The following TBC1D5 variants were observed in gnomAD, a reference collection of about 807,000 sequenced individuals.
The protein encoded by TBC1D5 is TBC1 domain family member 5, also known as TBC1 domain family, member 5.
A neutral mutation model predicts 100.3 loss-of-function variants in TBC1D5; 75 were observed. The ratio of observed to expected loss-of-function variants is 0.75; its 90% CI spans 0.62 to 0.91. The LOEUF (loss-of-function observed/expected upper bound fraction) is 0.91. Ranked by LOEUF, TBC1D5 falls within the 40% of genes least tolerant of loss-of-function variation. The pLI is 0.00. For missense variants in TBC1D5, 910 were observed against 942.4 expected, an observed-to-expected ratio of 0.97 and a Z score of 0.45; for synonymous variants, 323 against 325.6, an observed-to-expected ratio of 0.99 and a Z score of 0.09.
intron 2 of TBC1D5, among the ~76,000 whole-genome samples, chr3:17,567,223 A>C (rs2096599123): frequency 6.6e-6 from 1 of 151,752 alleles, no homozygotes; most frequent in Non-Finnish European, 1.5e-5. Context: ...AATATTTCTT[A>C]AGAGTCCACA....
chr3:17,229,443 C>G (rs910435152), intron 17 of TBC1D5, among the ~76,000 whole-genome samples: 3 of 152,062 alleles, frequency 2.0e-5, no homozygotes, highest in African/African-American at 7.2e-5. Context: ...GGATTGGGTA[C>G]CTGCATGCAA....
At position 17,300,040 on chromosome 3, in the gene TBC1D5, C is replaced by T. The variant is rs188231084; in HGVS notation, c.1138+7952G>A. Among the ~76,000 whole-genome samples the T allele has an allele frequency of 7.2e-5, 11 of 151,864 alleles. No individual in the cohort carries two copies. In the East Asian group the frequency reaches 2.1e-3, roughly 29 times the overall value. ...AATTCAATTTTTTTAAAAAAGGAAA[C>T]ATTAAAAAAGAAACCCAAAATAACA... On this transcript the variant is annotated intron_variant, in intron 14 of 21. Coordinates refer to ENST00000253692, the Ensembl canonical transcript of TBC1D5.
intron 2 of TBC1D5, among the ~76,000 whole-genome samples, chr3:17,602,972 T>C (rs1280996440): frequency 1.3e-5 from 2 of 152,062 alleles, no homozygotes; most frequent in East Asian, 3.9e-4. Context: ...GCCTCACTAG[T>C]ATAAATGTGG....
chr3:17,357,142 G>A (rs1341447781), intron 13 of TBC1D5, among the ~76,000 whole-genome samples: 3 of 152,146 alleles, frequency 2.0e-5, no homozygotes, highest in East Asian at 3.9e-4. Context: ...GGTCAGAGGT[G>A]CGGATGCAGT....
chr3:17,709,735 T>G (rs1268889890), intron 1 of TBC1D5, among the ~76,000 whole-genome samples: 1 of 152,164 alleles, frequency 6.6e-6, no homozygotes, highest in African/African-American at 2.4e-5. Context: ...AAAAAAATTT[T>G]TTTTAATTAA....
rs1048023293 is a variant in TBC1D5, at chr3:17,405,021, T to C, written c.277-60A>G. ...TCTTAAGATATAAAATGTGAAACTA[T>C]GCCAAACTGAACCACCTGAACATTG... On this transcript the variant is annotated intron_variant, in intron 5 of 21. Transcript: ENST00000253692. The C allele has an allele frequency of 9.5e-6, 10 of 1,057,608 alleles. No homozygotes were observed. The East Asian group carries it at 1.3e-4, about 13-fold the overall frequency. The allele number at this position is 1,057,608 out of a possible 1,614,324, so 65.5% of individuals were successfully genotyped here. A position where few individuals can be genotyped will look rare whatever the true frequency, so the allele number is the denominator to read the frequency against.
chr3:17,381,237 T>G lies in TBC1D5; in HGVS notation c.612+2676A>C, dbSNP rs1023557715. On this transcript the variant is annotated intron_variant, in intron 9 of 21. Transcript: ENST00000253692. Reference sequence around the variant, plus strand: ...GGCCACATACATCACAAATGGTAGATGGAGTGCACAGTTATTATGTTTTTG... The same window carrying G: ...GGCCACATACATCACAAATGGTAGAGGGAGTGCACAGTTATTATGTTTTTG... 6.6e-5 allele frequency among the ~76,000 whole-genome samples: 10 copies of G among 152,164 alleles called. 1 individual carries two copies. The South Asian group carries it at 1.9e-3, about 28-fold the overall frequency.
Position 17,683,643 on chromosome 3 carries a change from G to A in TBC1D5, c.-101+55700C>T, listed in dbSNP as rs532075858. ...CTATCTATGTGTACAAAACTGTAAT[G>A]GGCTACACAGAAAGGCCTTTGAGTC... On this transcript the variant is annotated intron_variant, in intron 1 of 21. Transcript: ENST00000253692. Among the ~76,000 whole-genome samples, 4 of 152,244 alleles carry A rather than the reference G, an allele frequency of 2.6e-5. No homozygotes were observed. The South Asian group carries it at 6.2e-4, about 24-fold the overall frequency.
intron 3 of TBC1D5, among the ~76,000 whole-genome samples, chr3:17,445,286 G>C (rs1456436281): frequency 6.6e-6 from 1 of 151,590 alleles, no homozygotes; most frequent in African/African-American, 2.4e-5. Flanking sequence ...TATGACCTGT[G>C]GACAAAAAAG....
chr3:17,691,216 A>G (rs567368042), intron 1 of TBC1D5, among the ~76,000 whole-genome samples: 1 of 152,300 alleles, frequency 6.6e-6, no homozygotes, highest in African/African-American at 2.4e-5. Context: ...GAGGAACCAC[A>G]AAGATCTCCC....
chr3:17,522,214 C>T (rs979426699), intron 2 of TBC1D5, among the ~76,000 whole-genome samples: 6 of 151,994 alleles, frequency 3.9e-5, no homozygotes, highest in Non-Finnish European at 8.8e-5. Flanking sequence ...TCAGAATCCA[C>T]GTTGACTGTA....
chr3:17,494,125 T>C (rs1473941034), intron 3 of TBC1D5, among the ~76,000 whole-genome samples: 1 of 152,204 alleles, frequency 6.6e-6, no homozygotes, highest in Non-Finnish European at 1.5e-5. Context: ...TCGTTGATGC[T>C]ATTTGTTTTT....
intron 13 of TBC1D5, among the ~76,000 whole-genome samples, chr3:17,326,462 T>C (rs2086148961): frequency 6.6e-6 from 1 of 152,148 alleles, no homozygotes; most frequent in Admixed American, 6.6e-5. Flanking sequence ...TGTACTTGAA[T>C]ATTTTTTATT....
At chr3:17,572,901 G>A (rs867748381) in intron 2 of TBC1D5, among the ~76,000 whole-genome samples, 3 of 151,936 alleles carry the variant, frequency 2.0e-5, no homozygotes, top group Non-Finnish European at 4.4e-5. Context: ...TATAATCCCT[G>A]GGCAACCTTA....
intron 15 of TBC1D5, among the ~76,000 whole-genome samples, chr3:17,269,616 G>T (rs972623248): frequency 5.8e-4 from 88 of 152,114 alleles, no homozygotes; most frequent in Non-Finnish European, 6.3e-4. Flanking sequence ...TACCCAATAG[G>T]AAGTTTTATG....
intron 1 of TBC1D5, among the ~76,000 whole-genome samples, chr3:17,669,482 T>C (rs2067678793): frequency 6.6e-6 from 1 of 152,184 alleles, no homozygotes; most frequent in African/African-American, 2.4e-5. Context: ...ACTACTTGGA[T>C]TAAAATTCCT....
At chr3:17,168,893 C>T (rs1225738403) in intron 19 of TBC1D5, among the ~76,000 whole-genome samples, 2 of 152,154 alleles carry the variant, frequency 1.3e-5, no homozygotes, top group African/African-American at 4.8e-5. Flanking sequence ...TGCTTGGCCC[C>T]GTACAGCTAC....
At chr3:17,522,596 A>G (rs2096075188) in intron 2 of TBC1D5, among the ~76,000 whole-genome samples, 2 of 152,142 alleles carry the variant, frequency 1.3e-5, no homozygotes, top group Admixed American at 1.3e-4. Context: ...TAGAACAGAT[A>G]CAGGCCAGAA....
chr3:17,425,289 T>C (rs1177821217), intron 4 of TBC1D5, among the ~76,000 whole-genome samples: 2 of 152,218 alleles, frequency 1.3e-5, no homozygotes, highest in Non-Finnish European at 2.9e-5. Context: ...ATTCAAAGTA[T>C]TTGGAATCAG....
Sources: allele counts gnomAD v4.1 joint callset (sites outside exome capture counted in the v4.1 genomes callset), GRCh38; gene constraint gnomAD v4.1.1; transcripts MANE v1.5; gene names NCBI Gene and HGNC (gene_info 2026-07-23, HGNC 2026-07-21).